GALNT17: variants seen among roughly 807,000 people sequenced by gnomAD.
GALNT17 encodes the protein polypeptide N-acetylgalactosaminyltransferase 17.
Under a neutral mutation model 63.7 loss-of-function variants are expected in GALNT17, and 29 were observed. That is an observed-to-expected ratio of 0.46 (90% CI 0.34 to 0.62). The LOEUF is 0.62. Ranked by LOEUF, GALNT17 falls within the 20% of genes least tolerant of loss-of-function variation. GALNT17 has a pLI of 0.01. For missense variants in GALNT17, 603 were observed against 799.6 expected, an observed-to-expected ratio of 0.75 and a Z score of 2.97; for synonymous variants, 305 against 318.3, an observed-to-expected ratio of 0.96 and a Z score of 0.45.
At position 71,585,488 on chromosome 7, in the gene GALNT17, A is replaced by T. The variant is rs541192742; in HGVS notation, c.1080+14086A>T. Among the ~76,000 whole-genome samples, 69 of 152,352 alleles carry T rather than the reference A, an allele frequency of 4.5e-4. 1 individual carries two copies. Among genetic ancestry groups the T allele is most frequent in the Admixed American group, 3.4e-3 (52 of 15,290 alleles). ...AACTATTTGTGTATTCTGAAATACAATTCAAACCAGGAAAGCAGGATAAAT... is the reference window on the plus strand; with the variant it reads ...AACTATTTGTGTATTCTGAAATACATTTCAAACCAGGAAAGCAGGATAAAT... On this transcript the variant is annotated intron_variant, in intron 6 of 10. Transcript: ENST00000333538.
intron 9 of GALNT17, 77 bp from the exon 10 acceptor site, chr7:71,710,684 G>T: frequency 6.5e-7 from 1 of 1,538,530 alleles, no homozygotes; most frequent in South Asian, 1.2e-5. Flanking sequence ...AAAGCCGAGA[G>T]ACCTGAGCCC....
At chr7:71,404,480 G>C (rs910952732) in intron 3 of GALNT17, among the ~76,000 whole-genome samples, 5 of 151,938 alleles carry the variant, frequency 3.3e-5, no homozygotes, top group Non-Finnish European at 7.4e-5. Context: ...CCTCATTTTT[G>C]CTCCAGCCCA....
chr7:71,349,643 T>C (rs891693435), intron 2 of GALNT17, among the ~76,000 whole-genome samples: 9 of 147,228 alleles, frequency 6.1e-5, no homozygotes, highest in Non-Finnish European at 1.2e-4. Flanking sequence ...TTCAATTGAA[T>C]AAATAAATAC....
intron 3 of GALNT17, among the ~76,000 whole-genome samples, chr7:71,395,748 C>T (rs1466535164): frequency 6.6e-6 from 1 of 152,134 alleles, no homozygotes; most frequent in Non-Finnish European, 1.5e-5. Flanking sequence ...CCAGTTTCTC[C>T]ACATCCTTGA....
At chr7:71,301,248 C>T (rs568742008) in intron 1 of GALNT17, among the ~76,000 whole-genome samples, 4 of 151,568 alleles carry the variant, frequency 2.6e-5, no homozygotes, top group African/African-American at 7.3e-5. Context: ...GATCGCTCCA[C>T]TACACTCCAG....
chr7:71,471,069 T>G (rs1327007712), intron 5 of GALNT17, among the ~76,000 whole-genome samples: 1 of 151,996 alleles, frequency 6.6e-6, no homozygotes, highest in African/African-American at 2.4e-5. Flanking sequence ...TTTTTTCCTC[T>G]TTTTTCTGTT....
chr7:71,288,215 C>CAAAAAAAAAAAAA (rs59555320), intron 1 of GALNT17, among the ~76,000 whole-genome samples: 1 of 83,842 alleles, frequency 1.2e-5, no homozygotes, highest in Non-Finnish European at 2.1e-5. Flanking sequence ...GACTCCATCT[C>CAAAAAAAAAAAAA]AAAAAAAAAA....
intron 5 of GALNT17, among the ~76,000 whole-genome samples, chr7:71,552,486 G>A (rs1334831405): frequency 6.6e-6 from 1 of 151,390 alleles, no homozygotes; most frequent in Non-Finnish European, 1.5e-5. Context: ...TGTTGCCCAG[G>A]CTGGAGTGCA....
At chr7:71,490,128 G>T (rs181015132) in intron 5 of GALNT17, among the ~76,000 whole-genome samples, 1 of 152,002 alleles carries the variant, frequency 6.6e-6, no homozygotes, top group East Asian at 1.9e-4. Context: ...GCGTGGTGGC[G>T]GCACCTGTAA....
chr7:71,418,321 C>G (rs1786585222), intron 4 of GALNT17, among the ~76,000 whole-genome samples: 1 of 152,188 alleles, frequency 6.6e-6, no homozygotes, highest in Admixed American at 6.5e-5. Context: ...GAATTAAAAC[C>G]CCTTGGCAGT....
intron 9 of GALNT17, among the ~76,000 whole-genome samples, chr7:71,695,432 A>G (rs911062513): frequency 3.9e-5 from 6 of 152,214 alleles, no homozygotes; most frequent in South Asian, 2.1e-4. Context: ...CCTTGGGACC[A>G]TCCCAGCCCC....
At position 71,154,867 on chromosome 7, in the gene GALNT17, C is replaced by T. The variant is rs532978177; in HGVS notation, c.238+21827C>T. Among the ~76,000 whole-genome samples, 10 of 151,982 alleles carry T rather than the reference C, an allele frequency of 6.6e-5. 1 individual carries two copies. Among genetic ancestry groups the T allele is most frequent in the South Asian group, 2.1e-4 (1 of 4,826 alleles). ...CTGGGATTACAGGCGTGAGCCACCGCGCCCGGCCACAATAGCTAACATTTA... is the reference window on the plus strand; with the variant it reads ...CTGGGATTACAGGCGTGAGCCACCGTGCCCGGCCACAATAGCTAACATTTA... On this transcript the variant is annotated intron_variant, in intron 1 of 10. Coordinates refer to ENST00000333538, the MANE Select transcript of GALNT17 (RefSeq NM_022479.3).
chr7:71,570,415 G>A (rs1789420312), intron 5 of GALNT17, among the ~76,000 whole-genome samples: 1 of 152,092 alleles, frequency 6.6e-6, no homozygotes, highest in East Asian at 1.9e-4. Flanking sequence ...GGAAATTGGA[G>A]CCCTTGCTTG....
intron 5 of GALNT17, among the ~76,000 whole-genome samples, chr7:71,569,395 C>A (rs991741844): frequency 3.9e-5 from 6 of 152,064 alleles, no homozygotes; most frequent in Admixed American, 3.9e-4. Context: ...GAACAGAGTA[C>A]CCAATAGGTA....
chr7:71,633,220 C>T (rs1033128158), intron 6 of GALNT17, among the ~76,000 whole-genome samples: 17 of 151,950 alleles, frequency 1.1e-4, no homozygotes, highest in Non-Finnish European at 2.1e-4. Flanking sequence ...AAACATAGTC[C>T]CTGCCATTCT....
intron 1 of GALNT17, among the ~76,000 whole-genome samples, chr7:71,207,008 A>G (rs1474069029): frequency 6.6e-6 from 1 of 152,042 alleles, no homozygotes; most frequent in Non-Finnish European, 1.5e-5. Context: ...TGACAGGCTG[A>G]GGCAGGAGAA....
intron 6 of GALNT17, among the ~76,000 whole-genome samples, chr7:71,613,558 A>T (rs1161194269): frequency 6.6e-6 from 1 of 152,092 alleles, no homozygotes; most frequent in Non-Finnish European, 1.5e-5. Context: ...GAGCATAGAG[A>T]GCTTGGAGGG....
chr7:71,457,001 C>G (rs1787367486), intron 5 of GALNT17, among the ~76,000 whole-genome samples: 1 of 152,102 alleles, frequency 6.6e-6, no homozygotes, highest in Non-Finnish European at 1.5e-5. Context: ...TCTTTTGAGT[C>G]CTTGATTAAC....
At chr7:71,196,636 AAATT>A (rs977508710) in intron 1 of GALNT17, among the ~76,000 whole-genome samples, 4 of 151,586 alleles carry the variant, frequency 2.6e-5, no homozygotes, top group African/African-American at 9.7e-5. Flanking sequence ...ATTAAAAAAA[AAATT>A]ATTATTATTT....
Sources: gnomAD v4.1 joint callset for allele counts (sites outside exome capture counted in the v4.1 genomes callset) on GRCh38, gnomAD v4.1.1 for gene constraint, MANE v1.5 for transcripts, NCBI Gene and HGNC (gene_info 2026-07-23, HGNC 2026-07-21) for gene names.